TRIM37: variants seen among roughly 807,000 people sequenced by gnomAD.
TRIM37 encodes the protein tripartite motif containing 37, also known as E3 ubiquitin-protein ligase TRIM37.
A neutral mutation model predicts 129.8 loss-of-function variants in TRIM37; 80 were observed. The observed-to-expected ratio is 0.62, with a 90% CI of 0.51 to 0.74. TRIM37 has a LOEUF of 0.74. Among genes scored for constraint, TRIM37 ranks in the 30% least tolerant of loss-of-function variants. TRIM37 has a pLI of 0.00. For synonymous variants in TRIM37, 389 were observed against 387.1 expected (o/e 1.00, Z -0.06); for missense variants, 1,054 against 1,176.5 (o/e 0.90, Z 1.52).
At chr17:59,000,607 A>G (rs1276686975) in intron 23 of TRIM37, among the ~76,000 whole-genome samples, 1 of 152,214 alleles carries the variant, frequency 6.6e-6, no homozygotes, top group Non-Finnish European at 1.5e-5. Flanking sequence ...TCTAAAAAAA[A>G]AAGAAGAAGA....
intron 24 of TRIM37, among the ~76,000 whole-genome samples, chr17:58,987,873 G>A (rs1272535675): frequency 1.3e-5 from 2 of 152,148 alleles, no homozygotes; most frequent in African/African-American, 4.8e-5. Context: ...TAAAATGTGT[G>A]TTTTACATAT....
In TRIM37 at chr17:59,081,821, T is replaced by C. The variant is rs557004631; in HGVS notation, c.370-602A>G. Among the ~76,000 whole-genome samples the C allele has an allele frequency of 3.7e-3, 564 of 150,448 alleles. 3 individuals are homozygous for C. Among genetic ancestry groups the C allele is most frequent in the Non-Finnish European group, 5.7e-3 (386 of 67,674 alleles). ...ACTCAAGAGGCTGAGACATGAGAAT[T>C]GCTTGAACCCGGGAGGCAGAGCTTA... On this transcript the variant is annotated intron_variant, in intron 5 of 23. Transcript: ENST00000262294.
intron 24 of TRIM37, among the ~76,000 whole-genome samples, chr17:58,992,296 T>C (rs1394726967): frequency 7.4e-6 from 1 of 135,330 alleles, no homozygotes; most frequent in Admixed American, 7.8e-5. Context: ...TTTATATATA[T>C]TTATATATAT....
At chr17:59,029,334 C>T (rs944055997) in intron 18 of TRIM37, among the ~76,000 whole-genome samples, 11 of 152,258 alleles carry the variant, frequency 7.2e-5, no homozygotes, top group South Asian at 2.1e-4. Context: ...TTCTGAAATA[C>T]GGTTTGAATC....
intron 9 of TRIM37, among the ~76,000 whole-genome samples, chr17:59,068,568 G>T (rs2042107536): frequency 6.6e-6 from 1 of 152,168 alleles, no homozygotes; most frequent in African/African-American, 2.4e-5. Context: ...GGATTTTGGT[G>T]AACATTCTTC....
chr17:59,091,520 TA>T (rs2147297755), intron 2 of TRIM37, among the ~76,000 whole-genome samples, 180 bp from the exon 3 acceptor site: 1 of 124,248 alleles, frequency 8.0e-6, no homozygotes, highest in African/African-American at 3.1e-5. Context: ...CATATATATA[TA>T]ATGTATAATG....
chr17:59,004,931 C>T (rs1447812020), intron 22 of TRIM37, among the ~76,000 whole-genome samples: 1 of 151,868 alleles, frequency 6.6e-6, no homozygotes, highest in Non-Finnish European at 1.5e-5. Context: ...AACAAAAAAA[C>T]AAAAAAACAA....
chr17:59,078,762 G>T (rs1002684862), intron 7 of TRIM37, among the ~76,000 whole-genome samples: 2 of 152,060 alleles, frequency 1.3e-5, no homozygotes, highest in South Asian at 2.1e-4. Flanking sequence ...AATACCTACA[G>T]GTTTTGTCTA....
At position 59,001,677 on chromosome 17, in the gene TRIM37, C is replaced by T. The variant is rs748419667; in HGVS notation, c.2733G>A (p.Glu911=). 2 of 1,614,080 alleles carry T rather than the reference C, an allele frequency of 1.2e-6. No individual in the cohort carries two copies. Among genetic ancestry groups the T allele is most frequent in the Admixed American group, 3.3e-5 (2 of 60,008 alleles). ...TGGTATGCTCTTCCTGCTCCTCATT[C>T]TCAGTGTCACATTCAATGTCACTGT... ...SSDSDIECDT[E]NEEQEEHTSV... The change falls in exon 23 of 24, where the codon GAG becomes GAA. Residue 911 remains glutamate, a synonymous_variant. Coordinates refer to ENST00000262294, the MANE Select transcript of TRIM37 (RefSeq NM_015294.6).
the TRIM37 span, among the ~76,000 whole-genome samples, chr17:58,975,513 G>C: frequency 2.0e-5 from 3 of 152,196 alleles, no homozygotes; most frequent in Non-Finnish European, 2.9e-5. Flanking sequence ...GTGGATAAGG[G>C]AGACTTCATA....
At position 59,051,339 on chromosome 17, in the gene TRIM37, T is replaced by C. The variant is rs781195873; in HGVS notation, c.1200-11A>G. ...GAACGTACCTGAAACCTTAAAAGAA[T>C]TGTGCCACATTAAAAAAAAAATTCA... On this transcript the variant is annotated splice_polypyrimidine_tract_variant and intron_variant, in intron 13 of 23. Coordinates refer to ENST00000262294, the MANE Select transcript of TRIM37 (RefSeq NM_015294.6). 26 of 1,567,006 alleles carry C rather than the reference T, an allele frequency of 1.7e-5. No homozygotes were observed. Among genetic ancestry groups the C allele is most frequent in the South Asian group, 1.6e-4 (14 of 90,106 alleles).
intron 16 of TRIM37, among the ~76,000 whole-genome samples, chr17:59,046,801 G>T (rs1172523436): frequency 2.0e-5 from 3 of 150,596 alleles, no homozygotes; most frequent in Non-Finnish European, 4.4e-5. Flanking sequence ...CAGCCTCCCA[G>T]AGTGCTGGGA....
intron 2 of TRIM37, among the ~76,000 whole-genome samples, chr17:59,093,848 A>T (rs1392501246): frequency 1.3e-5 from 2 of 152,162 alleles, no homozygotes; most frequent in Non-Finnish European, 2.9e-5. Context: ...TGAGTTTTAC[A>T]TTCTCTGAAT....
intron 2 of TRIM37, among the ~76,000 whole-genome samples, chr17:59,095,665 A>G (rs2044784805): frequency 6.6e-6 from 1 of 152,184 alleles, no homozygotes; most frequent in Non-Finnish European, 1.5e-5. Context: ...ACATCCCCTA[A>G]TGTACTGTTT....
At chr17:59,099,576 C>T (rs145454671) in intron 2 of TRIM37, among the ~76,000 whole-genome samples, 105 of 151,956 alleles carry the variant, frequency 6.9e-4, no homozygotes, top group African/African-American at 2.5e-3. Context: ...TGAACAGACC[C>T]CTTACCAAAG....
intron 16 of TRIM37, 78 bp downstream of exon 16, chr17:59,047,605 C>T (rs1336380450): frequency 1.4e-6 from 2 of 1,432,648 alleles, no homozygotes; most frequent in East Asian, 2.3e-5. Context: ...AATATCCCTA[C>T]ATTTAAGTGT....
chr17:59,071,689 T>G (rs1003242110), intron 8 of TRIM37, among the ~76,000 whole-genome samples: 1 of 150,874 alleles, frequency 6.6e-6, no homozygotes, highest in Non-Finnish European at 1.5e-5. Context: ...ACGCACTATC[T>G]GATACTAATT....
chr17:58,973,769 G>A, the TRIM37 span, among the ~76,000 whole-genome samples: 1 of 151,942 alleles, frequency 6.6e-6, no homozygotes, highest in Non-Finnish European at 1.5e-5. Flanking sequence ...TGGCTAACAC[G>A]ATGAATCCCC....
At chr17:59,071,996 T>C (rs1349311286) in intron 8 of TRIM37, among the ~76,000 whole-genome samples, 3 of 152,242 alleles carry the variant, frequency 2.0e-5, no homozygotes, top group Admixed American at 6.5e-5. Flanking sequence ...ATAATTTATA[T>C]ACTGCAGGCT....
Sources: gnomAD v4.1 joint callset for allele counts (sites outside exome capture counted in the v4.1 genomes callset) on GRCh38, gnomAD v4.1.1 for gene constraint, MANE v1.5 for transcripts, NCBI Gene and HGNC (gene_info 2026-07-23, HGNC 2026-07-21) for gene names.